Variants in ANKRD12 observed in about 807,000 individuals in gnomAD.
The protein encoded by ANKRD12 is ankyrin repeat domain-containing protein 12.
ANKRD12 carries 85 observed loss-of-function variants against 183.4 expected under a neutral mutation model. The ratio of observed to expected loss-of-function variants is 0.46; its 90% confidence interval spans 0.39 to 0.56. The LOEUF is 0.56. ANKRD12 is among the 20% of genes least tolerant of loss of function. The probability of loss-of-function intolerance (pLI) is 0.00; values close to 1 mark genes in which losing one functional copy is unlikely to be tolerated. For missense variants in ANKRD12, 2,405 were observed against 2,357.1 expected, an observed-to-expected ratio of 1.02 and a Z score of -0.42; for synonymous variants, 914 against 800.2, an observed-to-expected ratio of 1.14 and a Z score of -2.40.
chr18:9,202,431 C>T (rs1420509672), intron 3 of ANKRD12, among the ~76,000 whole-genome samples: 6 of 152,018 alleles, frequency 3.9e-5, no homozygotes, highest in Admixed American at 3.9e-4. Flanking sequence ...TAAGAATAAT[C>T]ACCTTTGGTG....
At chr18:9,172,899 GT>G (rs902620034) in intron 1 of ANKRD12, among the ~76,000 whole-genome samples, 1 of 149,702 alleles carries the variant, frequency 6.7e-6, no homozygotes, top group Non-Finnish European at 1.5e-5. Flanking sequence ...TTTGTTTTTT[GT>G]TTTTTTGTTT....
chr18:9,198,426 A>G (rs1475790990), intron 3 of ANKRD12, among the ~76,000 whole-genome samples: 2 of 152,210 alleles, frequency 1.3e-5, no homozygotes, highest in Non-Finnish European at 2.9e-5. Flanking sequence ...TGGGTTGGAC[A>G]TAGGAATTTG....
intron 5 of ANKRD12, among the ~76,000 whole-genome samples, chr18:9,210,334 A>G (rs1480708039): frequency 6.6e-6 from 1 of 152,196 alleles, no homozygotes; most frequent in Non-Finnish European, 1.5e-5. Context: ...CTAAGCAGTG[A>G]TGAGTAAGAT....
At chr18:9,219,179 A>G (rs996204046) in intron 7 of ANKRD12, among the ~76,000 whole-genome samples, 5 of 152,218 alleles carry the variant, frequency 3.3e-5, no homozygotes, top group African/African-American at 1.2e-4. Flanking sequence ...CTGATTCTGT[A>G]TAGTCATGTA....
At chr18:9,235,869 T>C in intron 8 of ANKRD12, 1 of 295,852 alleles carries the variant, frequency 3.4e-6, no homozygotes, top group East Asian at 7.7e-5. Flanking sequence ...TGTTTAATAG[T>C]TGATTTATTC....
chr18:9,225,487 A>AC (rs1316811325), intron 8 of ANKRD12, among the ~76,000 whole-genome samples: 1 of 151,674 alleles, frequency 6.6e-6, no homozygotes, highest in Non-Finnish European at 1.5e-5. Context: ...AAAAAAAAAA[A>AC]AAGTATTCAA....
chr18:9,137,879 C>A (rs1364725962), intron 1 of ANKRD12: 1 of 152,166 alleles, frequency 6.6e-6, no homozygotes, highest in Admixed American at 6.5e-5. Context: ...AAGAGGTATG[C>A]GAAGCTTAGC....
intron 1 of ANKRD12, among the ~76,000 whole-genome samples, chr18:9,140,601 G>A (rs777584990): frequency 6.6e-6 from 1 of 152,162 alleles, no homozygotes; most frequent in African/African-American, 2.4e-5. Context: ...ACTCTTGCTA[G>A]TTTTCAGGTA....
chr18:9,226,569 G>C (rs1024824665), intron 8 of ANKRD12, among the ~76,000 whole-genome samples: 1 of 152,018 alleles, frequency 6.6e-6, no homozygotes, highest in South Asian at 2.1e-4. Context: ...GATAAACTTG[G>C]GGGGGTGGAT....
intron 10 of ANKRD12, among the ~76,000 whole-genome samples, chr18:9,270,015 C>A (rs1376401166): frequency 6.6e-6 from 1 of 152,178 alleles, no homozygotes; most frequent in African/African-American, 2.4e-5. Context: ...TGAAAAAATG[C>A]TCATCATCAC....
intron 4 of ANKRD12, among the ~76,000 whole-genome samples, chr18:9,205,891 A>G (rs894606245): frequency 6.6e-6 from 1 of 152,076 alleles, no homozygotes; most frequent in African/African-American, 2.4e-5. Context: ...TGAGACACTA[A>G]TAGGTTTATG....
intron 8 of ANKRD12, among the ~76,000 whole-genome samples, chr18:9,233,913 G>A (rs1442002138): frequency 1.3e-5 from 2 of 152,158 alleles, no homozygotes; most frequent in African/African-American, 4.8e-5. Flanking sequence ...AGCTTACTTA[G>A]ATGCCAGTAA....
intron 1 of ANKRD12, among the ~76,000 whole-genome samples, chr18:9,174,343 C>T (rs1041408206): frequency 6.6e-6 from 1 of 152,198 alleles, no homozygotes; most frequent in Non-Finnish European, 1.5e-5. Flanking sequence ...AGCCCTCTTC[C>T]TAGGGGAGGA....
intron 10 of ANKRD12, among the ~76,000 whole-genome samples, chr18:9,264,207 G>T (rs2039147542): frequency 6.6e-6 from 1 of 152,174 alleles, no homozygotes; most frequent in Non-Finnish European, 1.5e-5. Context: ...ATCATTGCTT[G>T]GTACCAGCTG....
chr18:9,225,754 C>T (rs1486211584), intron 8 of ANKRD12, among the ~76,000 whole-genome samples: 1 of 152,112 alleles, frequency 6.6e-6, no homozygotes, highest in East Asian at 1.9e-4. Flanking sequence ...ACAATTTGTG[C>T]TTTTTATAAC....
chr18:9,275,820 TC>T (rs1191992431), intron 11 of ANKRD12, among the ~76,000 whole-genome samples, 153 bp downstream of exon 11: 2 of 152,236 alleles, frequency 1.3e-5, no homozygotes, highest in African/African-American at 4.8e-5. Flanking sequence ...TACTTCCAGA[TC>T]AACTGGTCCT....
chr18:9,176,276 A>G (rs1350445665), intron 1 of ANKRD12, among the ~76,000 whole-genome samples: 6 of 149,136 alleles, frequency 4.0e-5, no homozygotes, highest in African/African-American at 9.8e-5. Context: ...ACACTGTTCT[A>G]TTTTTTTTTT....
Position 9,257,077 on chromosome 18 carries a change from G to A in ANKRD12, c.3810G>A (p.Pro1270=), listed in dbSNP as rs200642599. 144 of 1,613,958 alleles carry A rather than the reference G, an allele frequency of 8.9e-5. No individual in the cohort carries two copies. The highest frequency in any genetic ancestry group is 1.1e-4 in the Non-Finnish European group (131 of 1,179,996). Residue 1270 remains proline, a synonymous_variant, in exon 9 of 13, where the codon CCG becomes CCA. Coordinates refer to ENST00000262126, the MANE Select transcript of ANKRD12 (RefSeq NM_015208.5). ...AATTGGACAGCCTGGCTGACTTGCC[G>A]GAGCGGATTAAACCACCATATGCAA... ...ERELDSLADL[P]ERIKPPYANR... is the part of the protein sequence containing the mutation.
At chr18:9,198,067 A>C (rs1311894020) in intron 3 of ANKRD12, among the ~76,000 whole-genome samples, 2 of 152,210 alleles carry the variant, frequency 1.3e-5, no homozygotes, top group Non-Finnish European at 2.9e-5. Flanking sequence ...AGTACCATTA[A>C]GTGATATTTC....
Sources: allele counts gnomAD v4.1 joint callset (sites outside exome capture counted in the v4.1 genomes callset), GRCh38; gene constraint gnomAD v4.1.1; transcripts MANE v1.5; gene names NCBI Gene and HGNC (gene_info 2026-07-23, HGNC 2026-07-21).